FARS2: variants seen among roughly 807,000 people sequenced by gnomAD.
FARS2 encodes phenylalanyl-tRNA synthetase 2, mitochondrial, also known as phenylalanine--tRNA ligase, mitochondrial.
Under a neutral mutation model 46.4 loss-of-function variants are expected in FARS2, and 40 were observed. That is an observed-to-expected ratio of 0.86 (90% CI 0.67 to 1.12). The LOEUF (loss-of-function observed/expected upper bound fraction) is 1.12, where lower values mean the gene tolerates loss of function less well. Ranked by LOEUF, FARS2 falls within the 50% of genes most tolerant of loss-of-function variation. The probability of loss-of-function intolerance (pLI) is 0.00; values close to 1 mark genes in which losing one functional copy is unlikely to be tolerated. For missense variants in FARS2, 513 were observed against 567.9 expected (o/e 0.90, Z 0.98); for synonymous variants, 234 against 214.9 (o/e 1.09, Z -0.78).
At chr6:5,682,721 C>CTCT (rs1779095880) in intron 6 of FARS2, among the ~76,000 whole-genome samples, 1 of 152,228 alleles carries the variant, frequency 6.6e-6, no homozygotes, top group South Asian at 2.1e-4. Context: ...GATGACAAGG[C>CTCT]TCTGCCCTCA....
chr6:5,624,652 G>A (rs1328048107), intron 6 of FARS2, among the ~76,000 whole-genome samples: 1 of 152,156 alleles, frequency 6.6e-6, no homozygotes, highest in African/African-American at 2.4e-5. Context: ...GTAGTGTGGC[G>A]ATGGAATGCT....
In FARS2 at chr6:5,347,065, C is replaced by G. The variant is rs181391910; in HGVS notation, c.-21-21485C>G. On this transcript the variant is annotated intron_variant, in intron 1 of 6. Transcript: ENST00000274680. ...AGTAGCTGGGATTACAGTCACCCAC[C>G]ACCACACCTGGCTAATTTTTGTATT... 2.7e-3 allele frequency among the ~76,000 whole-genome samples: 411 copies of G among 152,164 alleles called. 2 individuals are homozygous for G. Among genetic ancestry groups the G allele is most frequent in the African/African-American group, 9.5e-3 (396 of 41,514 alleles).
chr6:5,696,996 TGAG>T (rs1265289465), intron 6 of FARS2, among the ~76,000 whole-genome samples: 2 of 152,182 alleles, frequency 1.3e-5, no homozygotes, highest in South Asian at 2.1e-4. Context: ...TCTAGCTAGG[TGAG>T]TTCTTCAGCC....
intron 6 of FARS2, among the ~76,000 whole-genome samples, chr6:5,717,935 T>C (rs370118482): frequency 0.054 from 7,336 of 135,640 alleles, 1,009 homozygotes; most frequent in African/African-American, 0.21. Context: ...TATATATATA[T>C]ACAGAGTCTC....
At chr6:5,682,964 T>C (rs1779108993) in intron 6 of FARS2, among the ~76,000 whole-genome samples, 1 of 152,110 alleles carries the variant, frequency 6.6e-6, no homozygotes, top group Non-Finnish European at 1.5e-5. Context: ...GAACAGCACG[T>C]GCAAAGGCAC....
upstream of FARS2, among the ~76,000 whole-genome samples, chr6:5,258,342 A>G (rs1354740902): frequency 6.6e-6 from 1 of 152,264 alleles, no homozygotes; most frequent in Non-Finnish European, 1.5e-5. Flanking sequence ...ATTCAGCACT[A>G]CCTGTGTTAG....
intron 1 of FARS2, among the ~76,000 whole-genome samples, chr6:5,346,935 A>T (rs573955853): frequency 4.8e-5 from 7 of 146,180 alleles, no homozygotes; most frequent in Non-Finnish European, 1.0e-4. Context: ...TTTAATTGAG[A>T]TGGAGCCTCG....
chr6:5,560,461 G>C (rs1426679575), intron 5 of FARS2, among the ~76,000 whole-genome samples: 1 of 151,960 alleles, frequency 6.6e-6, no homozygotes, highest in Non-Finnish European at 1.5e-5. Flanking sequence ...TGTAGATTTT[G>C]TTTGTTAATA....
rs954052465 is a variant in FARS2, at chr6:5,764,563, C to T, written c.1218-6728C>T. Among the ~76,000 whole-genome samples, 2 of 152,132 alleles carry T rather than the reference C, an allele frequency of 1.3e-5. No individual in the cohort carries two copies. The highest frequency in any genetic ancestry group is 1.5e-5 in the Non-Finnish European group (1 of 68,022). On this transcript the variant is annotated intron_variant, in intron 6 of 6. Coordinates refer to ENST00000274680, the MANE Select transcript of FARS2 (RefSeq NM_006567.5). This position sits in a 1 kb window ranked among gnomAD's most constrained non-coding sequence, Gnocchi z 4.1. ...GTTACTCTGAAAATGGAAGCTGCCC[C>T]GTGACAGCATCTTCTCTCCCGTTGA...
At chr6:5,541,753 G>A (rs1049671736) in intron 4 of FARS2, among the ~76,000 whole-genome samples, 1 of 152,130 alleles carries the variant, frequency 6.6e-6, no homozygotes, top group Non-Finnish European at 1.5e-5. Context: ...AGTTTATTAA[G>A]AAAGTAAAGA....
chr6:5,672,814 C>A (rs902620701), intron 6 of FARS2, among the ~76,000 whole-genome samples: 1 of 152,102 alleles, frequency 6.6e-6, no homozygotes, highest in African/African-American at 2.4e-5. Flanking sequence ...AACATGTGTT[C>A]CTCTCTGTTC....
chr6:5,640,289 T>TCAGA (rs1323943617), intron 6 of FARS2, among the ~76,000 whole-genome samples: 1 of 152,156 alleles, frequency 6.6e-6, no homozygotes, highest in Non-Finnish European at 1.5e-5. Context: ...GGACCAAGGC[T>TCAGA]CAGAGCGTCT....
chr6:5,692,718 G>A (rs1015623655), intron 6 of FARS2, among the ~76,000 whole-genome samples: 13 of 152,266 alleles, frequency 8.5e-5, no homozygotes, highest in African/African-American at 2.7e-4. Flanking sequence ...AGATGCTGGT[G>A]TGAAAATACA....
In FARS2 at chr6:5,501,518, A is replaced by T. The variant is rs181847201; in HGVS notation, c.905-43662A>T. On this transcript the variant is annotated intron_variant, in intron 4 of 6. Transcript: ENST00000274680. Reference sequence around the variant, plus strand: ...TTTTATTTATTTATTTATTTTTGAGATGGATTCTTGCTCTGTTGCCCAGGC... The same window carrying T: ...TTTTATTTATTTATTTATTTTTGAGTTGGATTCTTGCTCTGTTGCCCAGGC... Among the ~76,000 whole-genome samples the T allele has an allele frequency of 3.3e-3, 507 of 151,680 alleles. 3 individuals carry two copies. The highest frequency in any genetic ancestry group is 4.8e-3 in the Non-Finnish European group (329 of 67,920).
At chr6:5,569,129 G>T (rs745558363) in intron 5 of FARS2, among the ~76,000 whole-genome samples, 3 of 152,038 alleles carry the variant, frequency 2.0e-5, no homozygotes, top group African/African-American at 7.2e-5. Flanking sequence ...AAAGAAAATG[G>T]TTCCTAGGTT....
intron 5 of FARS2, among the ~76,000 whole-genome samples, chr6:5,605,579 G>A (rs777234931): frequency 2.2e-4 from 33 of 152,358 alleles, no homozygotes; most frequent in Non-Finnish European, 3.5e-4. Flanking sequence ...TCTGAGCAGG[G>A]AGGGTGATCA....
rs1325441816 is a variant in FARS2, at chr6:5,369,030, G to A, written c.460G>A (p.Ala154Thr). Residue 154 changes from alanine to threonine, a missense_variant, in exon 2 of 7, where the codon GCG becomes ACG. Physicochemically the swap from Ala to Thr is moderately conservative, Grantham distance 58. Coordinates refer to ENST00000274680, the MANE Select transcript of FARS2 (RefSeq NM_006567.5). ...CCTGAATCGGACTCACATGCTGAGA[G>A]CGCACACGTCTGCACACCAGTGGGA... is the stretch of plus-strand genomic sequence containing the variant. The part of the protein sequence containing the change: ...YYLNRTHMLR[A>T]HTSAHQWDLL... The A allele has an allele frequency of 6.2e-7, 1 of 1,613,902 alleles. No individual in the cohort carries two copies. Among genetic ancestry groups the A allele is most frequent in the Non-Finnish European group, 8.5e-7 (1 of 1,179,952 alleles).
At chr6:5,643,918 G>A (rs886660264) in intron 6 of FARS2, among the ~76,000 whole-genome samples, 1 of 152,248 alleles carries the variant, frequency 6.6e-6, no homozygotes, top group African/African-American at 2.4e-5. Context: ...GGTCTCTGTA[G>A]AGAAGCTAGA....
chr6:5,746,647 G>A (rs192067366), intron 6 of FARS2, among the ~76,000 whole-genome samples: 17 of 144,180 alleles, frequency 1.2e-4, no homozygotes, highest in Admixed American at 9.7e-4. Flanking sequence ...GCAGGGTGGA[G>A]AATAGGCAGA....
Sources: allele counts gnomAD v4.1 joint callset (sites outside exome capture counted in the v4.1 genomes callset), GRCh38; gene constraint gnomAD v4.1.1; non-coding constraint Gnocchi (gnomAD v3.1); transcripts MANE v1.5; gene names NCBI Gene and HGNC (gene_info 2026-07-23, HGNC 2026-07-21).